The following MGST2 variants were observed in gnomAD, a reference collection of about 807,000 sequenced individuals.
The protein encoded by MGST2 is microsomal glutathione S-transferase 2.
A neutral mutation model predicts 16.6 loss-of-function variants in MGST2; 9 were observed. The observed-to-expected ratio is 0.54, with a 90% CI of 0.33 to 0.95. MGST2 has a LOEUF of 0.95. MGST2 is among the 40% of genes least tolerant of loss of function. The pLI, the probability that MGST2 is intolerant of heterozygous loss-of-function variation, is 0.03. For synonymous variants in MGST2, 79 were observed against 68.0 expected (o/e 1.16, Z -0.79); for missense variants, 159 against 175.1 (o/e 0.91, Z 0.52).
intron 4 of MGST2, among the ~76,000 whole-genome samples, chr4:139,703,802 T>A (rs1476113485): frequency 6.6e-6 from 1 of 152,256 alleles, no homozygotes; most frequent in Non-Finnish European, 1.5e-5. Context: ...GAAATAATCC[T>A]GCCTAGCCTT....
At chr4:139,691,003 G>A (rs1356191798) in intron 2 of MGST2, among the ~76,000 whole-genome samples, 3 of 152,172 alleles carry the variant, frequency 2.0e-5, no homozygotes, top group African/African-American at 7.2e-5. Flanking sequence ...CCCAGTTTTA[G>A]CACTTAAAGC....
intron 5 of MGST2, chr4:139,718,221 G>A (rs777770031): frequency 1.3e-5 from 2 of 152,220 alleles, no homozygotes; most frequent in Non-Finnish European, 2.9e-5. Flanking sequence ...AGCCCTCTTG[G>A]TTCCAGGCAG....
intron 2 of MGST2, among the ~76,000 whole-genome samples, chr4:139,692,589 A>C (rs1457304871): frequency 6.6e-6 from 1 of 152,164 alleles, no homozygotes; most frequent in Non-Finnish European, 1.5e-5. Flanking sequence ...GCATGGCACC[A>C]CTTGTATCTG....
chr4:139,742,853 G>A (rs1253965259), downstream of MGST2, among the ~76,000 whole-genome samples: 1 of 152,148 alleles, frequency 6.6e-6, no homozygotes, highest in African/African-American at 2.4e-5. Context: ...TAACAATAGA[G>A]GCCTTCAAAG....
chr4:139,708,856 G>A (rs1024068488), downstream of MGST2, among the ~76,000 whole-genome samples: 2 of 151,792 alleles, frequency 1.3e-5, no homozygotes, highest in Non-Finnish European at 2.9e-5. Flanking sequence ...TACAAAATTA[G>A]CCGGGCATGG....
At chr4:139,670,024 A>T (rs1288414708) in intron 1 of MGST2, among the ~76,000 whole-genome samples, 1 of 152,130 alleles carries the variant, frequency 6.6e-6, no homozygotes, top group East Asian at 1.9e-4. Flanking sequence ...CTTCTTTTCC[A>T]CATGAGATAA....
chr4:139,688,760 C>A (rs1324867510), intron 2 of MGST2, among the ~76,000 whole-genome samples: 1 of 152,060 alleles, frequency 6.6e-6, no homozygotes, highest in Non-Finnish European at 1.5e-5. Flanking sequence ...ACAAGTGTAA[C>A]CATCATGGAC....
At chr4:139,720,100 T>C in intron 5 of MGST2, 1 of 1,614,076 alleles carries the variant, frequency 6.2e-7, no homozygotes, top group Non-Finnish European at 8.5e-7. Context: ...GCTGCAACAT[T>C]TGGGTCATGC....
chr4:139,708,775 G>A (rs991249009), downstream of MGST2, among the ~76,000 whole-genome samples: 1 of 151,998 alleles, frequency 6.6e-6, no homozygotes, highest in African/African-American at 2.4e-5. Context: ...GGCCGAGGTG[G>A]GTGGATCACC....
the MGST2 span, among the ~76,000 whole-genome samples, chr4:139,753,956 G>C: frequency 6.6e-6 from 1 of 152,158 alleles, no homozygotes; most frequent in Non-Finnish European, 1.5e-5. Flanking sequence ...TGGGGTGGAG[G>C]GAGGGGTAAG....
downstream of MGST2, among the ~76,000 whole-genome samples, chr4:139,705,286 A>T (rs1727476074): frequency 6.6e-6 from 1 of 152,136 alleles, no homozygotes; most frequent in South Asian, 2.1e-4. Context: ...AGAAAATGTC[A>T]GGGGGTAAAT....
chr4:139,684,889 C>T (rs1343243699), intron 2 of MGST2, among the ~76,000 whole-genome samples: 1 of 152,144 alleles, frequency 6.6e-6, no homozygotes, highest in Non-Finnish European at 1.5e-5. Flanking sequence ...ATAAGCCTCC[C>T]ACCTCCTGTG....
chr4:139,700,489 T>C (rs2110896946), intron 3 of MGST2, among the ~76,000 whole-genome samples: 1 of 151,900 alleles, frequency 6.6e-6, no homozygotes, highest in East Asian at 1.9e-4. Context: ...ATTTACAGGA[T>C]TTAAAGCCTT....
intron 3 of MGST2, among the ~76,000 whole-genome samples, chr4:139,702,596 G>A (rs948858103): frequency 2.6e-5 from 4 of 152,010 alleles, no homozygotes; most frequent in African/African-American, 9.7e-5. Context: ...CTTCTGGACT[G>A]TTTCCAGTTT....
At chr4:139,680,828 A>G (rs73854327) in intron 2 of MGST2, among the ~76,000 whole-genome samples, 15,140 of 151,988 alleles carry the variant, frequency 0.1, 905 homozygotes, top group African/African-American at 0.17. Context: ...TCCCACTGAT[A>G]TTGTTGAGAT....
At chr4:139,714,271 T>C (rs961632545) in intron 5 of MGST2, among the ~76,000 whole-genome samples, 6 of 152,206 alleles carry the variant, frequency 3.9e-5, no homozygotes, top group African/African-American at 1.4e-4. Context: ...AGCTTAAGAC[T>C]AGCCTTAGAA....
At position 139,739,683 on chromosome 4, in the gene MGST2, T is replaced by TTTC. The variant is rs1729087252; in HGVS notation, c.*49-527_*49-526insCTT. Among the ~76,000 whole-genome samples, 5 of 79,690 alleles carry TTTC rather than the reference T, an allele frequency of 6.3e-5. No homozygotes were observed. In the South Asian group the frequency reaches 2.8e-3, roughly 44 times the overall value. The allele number at this position is 79,690 out of a possible 152,430, so 52.3% of individuals were successfully genotyped here. A position where few individuals can be genotyped will look rare whatever the true frequency, so the allele number is the denominator to read the frequency against. ...GAAAGGCAGGGGAGGAAAGCAGTTT[T>TTTC]TTTTTTTTTTTCTTTTATGTCCTCA... On this transcript the variant is annotated intron_variant, in intron 5 of 5. Coordinates refer to the MGST2 transcript ENST00000616265.
At chr4:139,742,179 C>A (rs1193623481), downstream of MGST2, among the ~76,000 whole-genome samples, 1 of 147,334 alleles carries the variant, frequency 6.8e-6, no homozygotes, top group Admixed American at 6.8e-5. Flanking sequence ...GAGAGAGTCT[C>A]GCTCTGTCAG....
chr4:139,671,110 T>C (rs942320787), intron 1 of MGST2, among the ~76,000 whole-genome samples: 1 of 152,180 alleles, frequency 6.6e-6, no homozygotes, highest in Non-Finnish European at 1.5e-5. Context: ...GTTAGTCTTA[T>C]GATCCCCATT....
Sources: gnomAD v4.1 joint callset for allele counts (sites outside exome capture counted in the v4.1 genomes callset) on GRCh38, gnomAD v4.1.1 for gene constraint, MANE v1.5 for transcripts, NCBI Gene and HGNC (gene_info 2026-07-23, HGNC 2026-07-21) for gene names.